The following COL6A5 variants were observed in gnomAD, a reference collection of about 807,000 sequenced individuals.
The protein encoded by COL6A5 is collagen type VI alpha 5 chain.
COL6A5 carries 48 observed loss-of-function variants against 65.6 expected under a neutral mutation model. That is an observed-to-expected ratio of 0.73 (90% CI 0.58 to 0.93). The LOEUF (loss-of-function observed/expected upper bound fraction) is 0.93, where lower values mean the gene tolerates loss of function less well. Ranked by LOEUF, COL6A5 falls within the 40% of genes least tolerant of loss-of-function variation. The probability of loss-of-function intolerance (pLI) is 0.00; values close to 1 mark genes in which losing one functional copy is unlikely to be tolerated. For missense variants in COL6A5, 914 were observed against 928.3 expected (o/e 0.98, Z 0.20); for synonymous variants, 291 against 322.8 (o/e 0.90, Z 1.05).
chr3:130,428,529 A>G (rs1433452669), upstream of COL6A5, among the ~76,000 whole-genome samples: 1 of 152,228 alleles, frequency 6.6e-6, no homozygotes, highest in African/African-American at 2.4e-5. Flanking sequence ...AGGAAAAATC[A>G]ACTTTAAAGA....
rs537769241 is a variant in COL6A5, at chr3:130,372,116, GA to G, written c.-28-1491del. ...CATTCATCATTAGGGCAATGCAAAT[GA>G]AAACCATTTATACCCACTAGAATGG... On this transcript the variant is annotated intron_variant and NMD_transcript_variant, in intron 1 of 41. Transcript: ENST00000312481. 5.6e-3 allele frequency among the ~76,000 whole-genome samples: 857 copies of G among 152,190 alleles called. 9 individuals carry two copies. Among genetic ancestry groups the G allele is most frequent in the African/African-American group, 0.019 (785 of 41,544 alleles).
chr3:130,383,732 A>G (rs1936086465), intron 4 of COL6A5, among the ~76,000 whole-genome samples: 1 of 152,096 alleles, frequency 6.6e-6, no homozygotes, highest in Non-Finnish European at 1.5e-5. Context: ...AATTTTGAAA[A>G]TATGTTCTTT....
At chr3:130,380,350 T>A (rs1935953057) in intron 4 of COL6A5, among the ~76,000 whole-genome samples, 1 of 152,126 alleles carries the variant, frequency 6.6e-6, no homozygotes, top group Non-Finnish European at 1.5e-5. Flanking sequence ...GAAAATAGAA[T>A]CACCTGTAAT....
At chr3:130,412,011 A>G (rs1937191687) in intron 20 of COL6A5, among the ~76,000 whole-genome samples, 2 of 152,148 alleles carry the variant, frequency 1.3e-5, no homozygotes, top group Admixed American at 1.3e-4. Context: ...TAAACAACGT[A>G]AGACAATCCA....
chr3:130,458,954 A>G (rs1169385958), intron 5 of COL6A5, among the ~76,000 whole-genome samples: 5 of 152,178 alleles, frequency 3.3e-5, no homozygotes, highest in Non-Finnish European at 7.4e-5. Context: ...AATTTCAACT[A>G]TTGACCCACT....
At chr3:130,430,264 A>G (rs776476010), upstream of COL6A5, among the ~76,000 whole-genome samples, 1 of 152,232 alleles carries the variant, frequency 6.6e-6, no homozygotes, top group Non-Finnish European at 1.5e-5. Context: ...ATGGATTTGG[A>G]TTAAATATAT....
chr3:130,431,043 A>G (rs1937780092), upstream of COL6A5, among the ~76,000 whole-genome samples: 1 of 152,182 alleles, frequency 6.6e-6, no homozygotes, highest in South Asian at 2.1e-4. Context: ...ATCTCCAATA[A>G]GCTATAATTT....
intron 13 of COL6A5, 103 bp from the exon 14 acceptor site, chr3:130,405,485 C>A: frequency 2.9e-6 from 2 of 691,838 alleles, no homozygotes; most frequent in South Asian, 2.0e-5. Context: ...TTTTCTAAAG[C>A]TCATAGTGCC....
At chr3:130,378,590 G>A (rs948182597) in intron 3 of COL6A5, among the ~76,000 whole-genome samples, 4 of 152,042 alleles carry the variant, frequency 2.6e-5, no homozygotes, top group African/African-American at 9.7e-5. Flanking sequence ...CAGAAGATCT[G>A]GGCCCTGCTT....
At chr3:130,380,797 A>C (rs1197593947) in intron 4 of COL6A5, among the ~76,000 whole-genome samples, 1 of 152,142 alleles carries the variant, frequency 6.6e-6, no homozygotes, top group Non-Finnish European at 1.5e-5. Context: ...GGTGTGACCA[A>C]CAGAAGAAAC....
At chr3:130,395,726 G>A (rs1050983183) in intron 8 of COL6A5, among the ~76,000 whole-genome samples, 1 of 152,292 alleles carries the variant, frequency 6.6e-6, no homozygotes, top group East Asian at 1.9e-4. Context: ...GTTCCCTCAC[G>A]GCAATCCAGT....
intron 1 of COL6A5, among the ~76,000 whole-genome samples, chr3:130,434,298 T>TG (rs1200762082): frequency 2.0e-5 from 3 of 152,190 alleles, no homozygotes; most frequent in Non-Finnish European, 4.4e-5. Flanking sequence ...TAGTATTCCA[T>TG]GTGTATATGT....
rs1296823629 is a variant in COL6A5 at position 130,384,791 on chromosome 3, A to G, written c.1301-13A>G. The G allele has an allele frequency of 2.6e-6, 4 of 1,517,878 alleles. No individual in the cohort carries two copies. The highest frequency in any genetic ancestry group is 3.5e-6 in the Non-Finnish European group (4 of 1,132,852). The allele number at this position is 1,517,878 out of a possible 1,614,324, so 94.0% of individuals were successfully genotyped here. On this transcript the variant is annotated splice_polypyrimidine_tract_variant and intron_variant and NMD_transcript_variant, in intron 4 of 41. Transcript: ENST00000312481. ...AGGTTCTCTAATTTACAGAGAATGC[A>G]CTTCTTTTTCAGGCTGTGTGGATAC...
At chr3:130,474,179 T>C (rs1710030423) in intron 7 of COL6A5, among the ~76,000 whole-genome samples, 1 of 152,050 alleles carries the variant, frequency 6.6e-6, no homozygotes, top group Non-Finnish European at 1.5e-5. Context: ...TTAGGGGACC[T>C]ATATAAGTCT....
chr3:130,412,087 A>G (rs1006340333), intron 20 of COL6A5, among the ~76,000 whole-genome samples: 1 of 152,074 alleles, frequency 6.6e-6, no homozygotes, highest in Non-Finnish European at 1.5e-5. Flanking sequence ...CGTTGTTCCC[A>G]AAACAATGGA....
rs976916280 is a variant in COL6A5, at chr3:130,464,356, C to A, written c.1545-4439C>A. On this transcript the variant is annotated intron_variant, in intron 5 of 7. Coordinates refer to ENST00000512836, the Ensembl canonical transcript of COL6A5. ...CTATGTTGCCCAGGCTTATTTTGAACCCCTGGCCTCAAGCGATCCTCCCAC... is the reference window on the plus strand; with the variant it reads ...CTATGTTGCCCAGGCTTATTTTGAAACCCTGGCCTCAAGCGATCCTCCCAC... Among the ~76,000 whole-genome samples the A allele has an allele frequency of 8.5e-5, 13 of 152,122 alleles. No individual in the cohort carries two copies. The East Asian group carries it at 9.7e-4, about 11-fold the overall frequency.
At chr3:130,482,194 C>A (rs1710264976) in intron 7 of COL6A5, among the ~76,000 whole-genome samples, 1 of 152,184 alleles carries the variant, frequency 6.6e-6, no homozygotes, top group African/African-American at 2.4e-5. Context: ...ACATTTAAAT[C>A]TTCAATCCAT....
chr3:130,478,400 A>G (rs376571376), intron 7 of COL6A5, among the ~76,000 whole-genome samples: 6 of 152,198 alleles, frequency 3.9e-5, no homozygotes, highest in East Asian at 1.9e-4. Context: ...TTCTCAGTGT[A>G]ATGAAAAGCT....
intron 5 of COL6A5, among the ~76,000 whole-genome samples, chr3:130,386,202 A>G (rs1936181069): frequency 6.6e-6 from 1 of 152,082 alleles, no homozygotes; most frequent in African/African-American, 2.4e-5. Context: ...GTCAAGGTTC[A>G]TACCCTAGCT....
Sources: allele counts gnomAD v4.1 joint callset (sites outside exome capture counted in the v4.1 genomes callset), GRCh38; gene constraint gnomAD v4.1.1; transcripts MANE v1.5; gene names NCBI Gene and HGNC (gene_info 2026-07-23, HGNC 2026-07-21).